Variants in DNMBP observed in about 807,000 individuals in gnomAD.
DNMBP encodes the protein dynamin-binding protein.
In DNMBP, 87 loss-of-function variants were observed where a neutral mutation model predicts 150.0. The ratio of observed to expected loss-of-function variants is 0.58; its 90% CI spans 0.49 to 0.69. DNMBP has a LOEUF of 0.69. DNMBP is among the 30% of genes least tolerant of loss of function. The pLI is 0.00. For missense variants in DNMBP, 1,774 were observed against 1,949.0 expected, an observed-to-expected ratio of 0.91 and a Z score of 1.69; for synonymous variants, 711 against 750.4, an observed-to-expected ratio of 0.95 and a Z score of 0.86.
intron 15 of DNMBP, among the ~76,000 whole-genome samples, chr10:99,881,636 A>G (rs2133192117): frequency 6.6e-6 from 1 of 152,348 alleles, no homozygotes; most frequent in East Asian, 1.9e-4. Flanking sequence ...TTGAGTAGAT[A>G]AAAACTGAAG....
chr10:99,972,327 T>C (rs553609367), intron 1 of DNMBP, among the ~76,000 whole-genome samples, 193 bp from the exon 2 acceptor site: 62 of 152,336 alleles, frequency 4.1e-4, no homozygotes, highest in Non-Finnish European at 7.2e-4. Flanking sequence ...TGGAGTGCAG[T>C]GGAGCAATCA....
chr10:99,904,298 A>G (rs541536950), intron 6 of DNMBP, among the ~76,000 whole-genome samples: 73 of 152,190 alleles, frequency 4.8e-4, no homozygotes, highest in African/African-American at 1.6e-3. Context: ...AAGCACAGAC[A>G]TACACAGAAA....
At chr10:99,987,495 A>G (rs1246606139) in intron 1 of DNMBP, among the ~76,000 whole-genome samples, 1 of 152,188 alleles carries the variant, frequency 6.6e-6, no homozygotes, top group Admixed American at 6.5e-5. Flanking sequence ...GCACTTTGGG[A>G]GTCCAAGGCA....
At chr10:99,888,544 A>G (rs915422348) in intron 12 of DNMBP, among the ~76,000 whole-genome samples, 1 of 152,146 alleles carries the variant, frequency 6.6e-6, no homozygotes, top group Non-Finnish European at 1.5e-5. Context: ...AGTTGCTTTT[A>G]TTTGATCAGA....
At chr10:99,943,058 G>T (rs1564740562) in intron 4 of DNMBP, among the ~76,000 whole-genome samples, 1 of 152,090 alleles carries the variant, frequency 6.6e-6, no homozygotes, top group African/African-American at 2.4e-5. Flanking sequence ...TGAGGGGGGG[G>T]CGGATCACCT....
intron 4 of DNMBP, chr10:99,929,663 T>C: frequency 1.4e-6 from 1 of 702,558 alleles, no homozygotes; most frequent in East Asian, 2.7e-5. Flanking sequence ...TGCTGGGTGC[T>C]GTGCGGCGGA....
chr10:99,962,806 A>G (rs2040579128), intron 3 of DNMBP, among the ~76,000 whole-genome samples: 1 of 152,216 alleles, frequency 6.6e-6, no homozygotes, highest in African/African-American at 2.4e-5. Flanking sequence ...TGGCTTTGAA[A>G]TCAACTGGCT....
At chr10:99,880,537 A>G (rs888096460) in intron 15 of DNMBP, among the ~76,000 whole-genome samples, 176 bp from the exon 16 acceptor site, 1 of 152,236 alleles carries the variant, frequency 6.6e-6, no homozygotes, top group Non-Finnish European at 1.5e-5. Flanking sequence ...CCTAGTGACA[A>G]AGCGGCTTGG....
At position 99,955,706 on chromosome 10, in the gene DNMBP, G is replaced by C. The variant is rs951138392; in HGVS notation, c.1768C>G (p.Arg590Gly). ...MDFNSEKDIVRGSSKLITEQE... is the reference protein window; with the variant it reads ...MDFNSEKDIVGGSSKLITEQE... ...TCGGTGATTAACTTTGAGGAACCTC[G>C]GACAATATCCTTCTCAGAGTTAAAG... Residue 590 changes from arginine to glycine, a missense_variant, in exon 4 of 17, where the codon CGA (arginine) becomes GGA (glycine). Coordinates refer to ENST00000324109, the MANE Select transcript of DNMBP (RefSeq NM_015221.4). The C allele has an allele frequency of 6.2e-7, 1 of 1,614,186 alleles. No homozygotes were observed. Among genetic ancestry groups the C allele is most frequent in the Admixed American group, 1.7e-5 (1 of 60,022 alleles).
chr10:99,889,101 G>A (rs757645854), intron 11 of DNMBP, 148 bp from the exon 12 acceptor site: 8 of 885,942 alleles, frequency 9.0e-6, no homozygotes, highest in African/African-American at 1.7e-5. Flanking sequence ...TTTGAAATAA[G>A]CATATTTTCA....
At chr10:99,923,738 A>G (rs2040047822) in intron 4 of DNMBP, among the ~76,000 whole-genome samples, 1 of 151,280 alleles carries the variant, frequency 6.6e-6, no homozygotes, top group Non-Finnish European at 1.5e-5. Context: ...TGTCTTTCTC[A>G]TAGTTTCCCC....
intron 7 of DNMBP, among the ~76,000 whole-genome samples, 170 bp from the exon 8 acceptor site, chr10:99,898,930 C>T (rs772765404): frequency 3.9e-5 from 6 of 152,156 alleles, no homozygotes; most frequent in South Asian, 4.1e-4. Context: ...TGGTGGCTCA[C>T]GCCTGTAATC....
chr10:100,000,887 A>AAAC (rs2041001856), intron 1 of DNMBP, among the ~76,000 whole-genome samples: 1 of 144,584 alleles, frequency 6.9e-6, no homozygotes, highest in Non-Finnish European at 1.5e-5. Flanking sequence ...AAAAAAAAAA[A>AAAC]CCCAGCAGGG....
At chr10:99,930,594 TG>T (rs746573103) in intron 4 of DNMBP, 19 of 702,880 alleles carry the variant, frequency 2.7e-5, no homozygotes, top group Non-Finnish European at 3.9e-5. Context: ...GGGCTGATGC[TG>T]TCCCTTGGCC....
At chr10:99,934,098 C>T (rs2805492) in intron 4 of DNMBP, among the ~76,000 whole-genome samples, 22 of 152,004 alleles carry the variant, frequency 1.4e-4, no homozygotes, top group Admixed American at 2.0e-4. Flanking sequence ...TAAAGGAATG[C>T]AGAAATACAG....
rs11812724 is a variant in DNMBP, at chr10:99,940,946, G to A, written c.2260+14268C>T. Among the ~76,000 whole-genome samples the A allele has an allele frequency of 6.9e-3, 1,051 of 152,074 alleles. 11 individuals carry two copies. The highest frequency in any genetic ancestry group is 0.023 in the African/African-American group (973 of 41,474). On this transcript the variant is annotated intron_variant, in intron 4 of 16. Transcript: ENST00000324109. ...TTCACCCAGGCTGGAGTACGGTGGC[G>A]CGATCTTGGCTCATTGCAACCTCCA...
At chr10:99,893,453 A>C (rs1451231089) in intron 11 of DNMBP, among the ~76,000 whole-genome samples, 1 of 152,252 alleles carries the variant, frequency 6.6e-6, no homozygotes, top group Non-Finnish European at 1.5e-5. Context: ...CAATGGACCA[A>C]GGCCAGGCGC....
intron 4 of DNMBP, among the ~76,000 whole-genome samples, chr10:99,915,236 C>A: frequency 6.7e-6 from 1 of 149,880 alleles, no homozygotes; most frequent in Admixed American, 6.7e-5. Flanking sequence ...CACACACACG[C>A]ATATATATAA....
In DNMBP at chr10:99,930,890, C is replaced by T. The variant is rs143659866; in HGVS notation, c.2261-21744G>A. 71 of 564,976 alleles carry T rather than the reference C, an allele frequency of 1.3e-4. No homozygotes were observed. The East Asian group carries it at 2.1e-3, about 16-fold the overall frequency. The allele number at this position is 564,976 out of a possible 1,614,324, so 35.0% of individuals were successfully genotyped here. A position where few individuals can be genotyped will look rare whatever the true frequency, so the allele number is the denominator to read the frequency against. On this transcript the variant is annotated intron_variant, in intron 4 of 16. Transcript: ENST00000324109. ...TAAAATGTCTCCCAACCATTCCAGA[C>T]ACTCTTCTCGTTGCTCTAGTCGGAG... is the stretch of plus-strand genomic sequence containing the variant.
Sources: gnomAD v4.1 joint callset for allele counts (sites outside exome capture counted in the v4.1 genomes callset) on GRCh38, gnomAD v4.1.1 for gene constraint, MANE v1.5 for transcripts, NCBI Gene and HGNC (gene_info 2026-07-23, HGNC 2026-07-21) for gene names.